The following TMEM204 variants were observed in gnomAD, a reference collection of about 807,000 sequenced individuals.
The protein encoded by TMEM204 is transmembrane protein 204.
TMEM204 carries 15 observed loss-of-function variants against 19.4 expected under a neutral mutation model. The observed-to-expected ratio is 0.77, with a 90% CI of 0.52 to 1.19. TMEM204 has a LOEUF of 1.19. Ranked by LOEUF, TMEM204 falls within the 50% of genes most tolerant of loss-of-function variation. The pLI, the probability that TMEM204 is intolerant of heterozygous loss-of-function variation, is 0.00. For missense variants in TMEM204, 287 were observed against 321.2 expected, an observed-to-expected ratio of 0.89 and a Z score of 0.81; for synonymous variants, 161 against 146.0, an observed-to-expected ratio of 1.10 and a Z score of -0.74.
intron 2 of TMEM204, among the ~76,000 whole-genome samples, chr16:1,544,892 C>T (rs2032034260): frequency 6.6e-6 from 1 of 152,202 alleles, no homozygotes; most frequent in South Asian, 2.1e-4. Flanking sequence ...TTGTGATCCG[C>T]CCGCCTCGGC....
At chr16:1,541,822 T>C in intron 1 of TMEM204, 99 bp from the exon 2 acceptor site, 1 of 1,418,598 alleles carries the variant, frequency 7.0e-7, no homozygotes, top group South Asian at 1.4e-5. Flanking sequence ...CCGACCGCCC[T>C]TTCCGAGGCA....
intron 1 of TMEM204, chr16:1,541,528 C>G (rs2031633712): frequency 1.0e-6 from 1 of 984,656 alleles, no homozygotes; most frequent in Non-Finnish European, 1.2e-6. Flanking sequence ...GCTGTGAATT[C>G]AGTGACAGGG....
chr16:1,548,719 C>G lies in TMEM204; in HGVS notation c.437-6063C>G, dbSNP rs145629086. 9.7e-4 allele frequency among the ~76,000 whole-genome samples: 148 copies of G among 152,302 alleles called. No homozygotes were observed. In the Middle Eastern group the frequency reaches 0.01, roughly 11 times the overall value. On this transcript the variant is annotated intron_variant, in intron 2 of 2. Coordinates refer to ENST00000566264, the MANE Select transcript of TMEM204 (RefSeq NM_024600.6). ...TCCTTCCACCCCTTCCCATCTCCCC[C>G]ACGTAGGGAAGGTGGGAAGGACAGA...
chr16:1,548,333 C>T (rs1596343332), intron 2 of TMEM204, among the ~76,000 whole-genome samples: 1 of 152,324 alleles, frequency 6.6e-6, no homozygotes, highest in Non-Finnish European at 1.5e-5. Context: ...TGTGTGACAG[C>T]CATTCCAAAA....
In TMEM204 at chr16:1,553,990, C is replaced by CGCCAA. The variant is rs2032886798; in HGVS notation, c.437-791_437-787dup. ...CGACTAACTAGACGGGAACAAGCTG[C>CGCCAA]GCCAACCAAGGGTTGCTCACGGCCC... is the stretch of plus-strand genomic sequence containing the variant. On this transcript the variant is annotated intron_variant, in intron 2 of 2. Transcript: ENST00000566264. This position sits in a 1 kb window ranked among gnomAD's most constrained non-coding sequence, Gnocchi z 4.4. The CGCCAA allele has an allele frequency of 8.5e-6, 11 of 1,287,234 alleles. No individual in the cohort carries two copies. The highest frequency in any genetic ancestry group is 1.1e-5 in the Non-Finnish European group (11 of 988,698). The allele number at this position is 1,287,234 out of a possible 1,614,324, so 79.7% of individuals were successfully genotyped here.
At chr16:1,535,097 G>A (rs1050217370) in intron 1 of TMEM204, among the ~76,000 whole-genome samples, 5 of 152,000 alleles carry the variant, frequency 3.3e-5, no homozygotes, top group Admixed American at 6.6e-5. Context: ...AAATAAACAA[G>A]AAGTTTAAAA....
chr16:1,534,392 C>T lies in TMEM204; in HGVS notation c.117C>T (p.Arg39=), dbSNP rs545856687. Residue 39 remains arginine, a synonymous_variant, in exon 1 of 3, where the codon CGC becomes CGT. Coordinates refer to ENST00000566264, the MANE Select transcript of TMEM204 (RefSeq NM_024600.6). ...TGTGCCAGACGCTGGAGGATGGGCG[C>T]AGGCGCAGCGTGGGGCTGTGGAGGT... The part of the protein sequence containing the change: ...NWVCQTLEDG[R]RRSVGLWRSC... 1.2e-5 allele frequency: 19 copies of T among 1,612,798 alleles called. No homozygotes were observed. In the East Asian group the frequency reaches 3.8e-4, roughly 32 times the overall value.
At position 1,553,490 on chromosome 16, in the gene TMEM204, G is replaced by A; in HGVS notation, c.437-1292G>A. ...CAGGCCAGGCGGAGGGACAGCAGTG[G>A]GGCTCGGCGTGGCCGGAGCCTGGGG... On this transcript the variant is annotated intron_variant, in intron 2 of 2. Coordinates refer to ENST00000566264, the MANE Select transcript of TMEM204 (RefSeq NM_024600.6). This position sits in a 1 kb window ranked among gnomAD's most constrained non-coding sequence, Gnocchi z 4.4. The A allele has an allele frequency of 1.0e-6, 1 of 985,466 alleles. No individual in the cohort carries two copies. The highest frequency in any genetic ancestry group is 1.2e-6 in the Non-Finnish European group (1 of 829,922). The allele number at this position is 985,466 out of a possible 1,614,324, so 61.0% of individuals were successfully genotyped here.
rs1433124635 is a variant in TMEM204, at chr16:1,542,050, C to T, written c.410C>T (p.Ala137Val). ...CCCGACGCCCCGTGCTGGGAGGAGG[C>T]CATGGCCGCTGCATTCCAACTGGCG... ...LSPDAPCWEE[A>V]MAAAFQLASF... Residue 137 changes from alanine (A) to valine (V), a missense_variant, in exon 2 of 3, where the codon GCC becomes GTC. Ala to Val is a moderately conservative substitution (Grantham distance 64). Transcript: ENST00000566264. 1 of 1,609,782 alleles carries T rather than the reference C, an allele frequency of 6.2e-7. No individual in the cohort carries two copies.
intron 2 of TMEM204, among the ~76,000 whole-genome samples, chr16:1,546,068 T>G (rs995710553): frequency 2.0e-5 from 3 of 152,244 alleles, no homozygotes; most frequent in African/African-American, 7.2e-5. Context: ...TTCTCTGCAC[T>G]GCACCTCTGT....
At chr16:1,529,810 C>T (rs2030249648), upstream of TMEM204, among the ~76,000 whole-genome samples, 1 of 152,220 alleles carries the variant, frequency 6.6e-6, no homozygotes, top group Non-Finnish European at 1.5e-5. Flanking sequence ...CTGAGACACG[C>T]CTCAAGACTG....
intron 1 of TMEM204, among the ~76,000 whole-genome samples, chr16:1,539,216 G>A (rs986647066): frequency 3.4e-5 from 5 of 146,182 alleles, no homozygotes; most frequent in Non-Finnish European, 7.5e-5. Context: ...CGGTGCCAAC[G>A]CCGACCCAAG....
At chr16:1,543,119 C>T (rs989359520) in intron 2 of TMEM204, among the ~76,000 whole-genome samples, 3 of 152,224 alleles carry the variant, frequency 2.0e-5, no homozygotes, top group Non-Finnish European at 2.9e-5. Flanking sequence ...CCGGTGCCCG[C>T]AGAGACAGGG....
chr16:1,539,230 C>G (rs559921787), intron 1 of TMEM204, among the ~76,000 whole-genome samples: 1 of 150,752 alleles, frequency 6.6e-6, no homozygotes, highest in African/African-American at 2.4e-5. Context: ...ACCCAAGCCT[C>G]AGGACTCACC....
chr16:1,529,953 C>T (rs1419210182), upstream of TMEM204, among the ~76,000 whole-genome samples: 2 of 151,948 alleles, frequency 1.3e-5, no homozygotes, highest in African/African-American at 2.4e-5. Flanking sequence ...CCAGTCAGTT[C>T]TACAGATCGG....
Position 1,555,339 on chromosome 16 carries a change from G to A in TMEM204, c.*313G>A, listed in dbSNP as rs932094523. ...GTTAGGTGGCGCGAGGCTGCCCTGCGCTCCGCTTTGCTTTGGGATTAATTT... is the reference window on the plus strand; with the variant it reads ...GTTAGGTGGCGCGAGGCTGCCCTGCACTCCGCTTTGCTTTGGGATTAATTT... On this transcript the variant is annotated 3_prime_UTR_variant, in exon 3 of 3. Coordinates refer to ENST00000566264, the MANE Select transcript of TMEM204 (RefSeq NM_024600.6). The A allele has an allele frequency of 4.7e-4, 156 of 333,462 alleles. 2 individuals are homozygous for A. Among genetic ancestry groups the A allele is most frequent in the Middle Eastern group, 1.7e-3 (2 of 1,206 alleles). The allele number at this position is 333,462 out of a possible 1,614,324, so 20.7% of individuals were successfully genotyped here. A position where few individuals can be genotyped will look rare whatever the true frequency, so the allele number is the denominator to read the frequency against.
rs1220646975 is a variant in TMEM204 at position 1,551,737 on chromosome 16, T to C, written c.437-3045T>C. Among the ~76,000 whole-genome samples the C allele has an allele frequency of 6.6e-6, 1 of 152,114 alleles. No individual in the cohort carries two copies. The highest frequency in any genetic ancestry group is 1.5e-5 in the Non-Finnish European group (1 of 68,018). On this transcript the variant is annotated intron_variant, in intron 2 of 2. Coordinates refer to ENST00000566264, the MANE Select transcript of TMEM204 (RefSeq NM_024600.6). The surrounding 1 kb of genome is among the most constrained non-coding windows in gnomAD (Gnocchi z 4.0). ...TCTTCTACGGGGTTTTGTTGGGAGC[T>C]ACCTATACAAAGGAGGCCACACCAC...
chr16:1,532,115 G>T (rs2030558828), upstream of TMEM204: 1 of 152,382 alleles, frequency 6.6e-6, no homozygotes, highest in African/African-American at 2.4e-5. Context: ...GAGGAGCAGG[G>T]CACAGGCAGG....
At chr16:1,534,615 G>A (rs2030874321) in intron 1 of TMEM204, 60 bp downstream of exon 1, 1 of 1,595,518 alleles carries the variant, frequency 6.3e-7, no homozygotes, top group Admixed American at 1.7e-5. Flanking sequence ...GCACATGGGA[G>A]ATGTTAGGCG....
Sources: gnomAD v4.1 joint callset for allele counts (sites outside exome capture counted in the v4.1 genomes callset) on GRCh38, gnomAD v4.1.1 for gene constraint, Gnocchi (gnomAD v3.1) non-coding constraint, MANE v1.5 for transcripts, NCBI Gene and HGNC (gene_info 2026-07-23, HGNC 2026-07-21) for gene names.